Variants in FBH1 observed in about 807,000 individuals in gnomAD.
The protein encoded by FBH1 is DNA 3'-5' helicase 1.
FBH1 carries 43 observed loss-of-function variants against 115.5 expected under a neutral mutation model. The ratio of observed to expected loss-of-function variants is 0.37; its 90% CI spans 0.29 to 0.48. FBH1 has a LOEUF of 0.48. Among genes scored for constraint, FBH1 ranks in the 20% least tolerant of loss-of-function variants. The pLI is 0.99. For synonymous variants in FBH1, 524 were observed against 507.8 expected (o/e 1.03, Z -0.43); for missense variants, 1,001 against 1,337.3 (o/e 0.75, Z 3.92).
chr10:5,914,718 C>A lies in FBH1; in HGVS notation c.1396+449C>A, dbSNP rs767076373. Among the ~76,000 whole-genome samples the A allele has an allele frequency of 1.1e-4, 17 of 152,226 alleles. No individual in the cohort carries two copies. Among genetic ancestry groups the A allele is most frequent in the Non-Finnish European group, 2.4e-4 (16 of 68,046 alleles). The stretch of plus-strand genomic sequence containing the variant: ...ACAAGTGTCCTGCCTCAGTCAGCCA[C>A]GCCGATCCACTCACAGCCTCCTGAA... On this transcript the variant is annotated intron_variant, in intron 8 of 20. Transcript: ENST00000362091. This position sits in a 1 kb window ranked among gnomAD's most constrained non-coding sequence, Gnocchi z 5.2.
At chr10:5,894,198 G>A (rs1842886423) in intron 1 of FBH1, 4 of 985,390 alleles carry the variant, frequency 4.1e-6, no homozygotes, top group Middle Eastern at 5.2e-4. Flanking sequence ...CTTGCTTTCT[G>A]CATTCGTTTC....
chr10:5,911,312 A>G lies in FBH1; in HGVS notation c.1211+184A>G, dbSNP rs933650933. ...AGAGTTTGATGTGGAAAGGCTGGTA[A>G]GAGCGCCTTATGAACGTGCAGTTCT... On this transcript the variant is annotated intron_variant, in intron 6 of 20. Transcript: ENST00000362091. This position sits in a 1 kb window ranked among gnomAD's most constrained non-coding sequence, Gnocchi z 5.4. Among the ~76,000 whole-genome samples, 1 of 152,228 alleles carries G rather than the reference A, an allele frequency of 6.6e-6. No homozygotes were observed. The highest frequency in any genetic ancestry group is 2.4e-5 in the African/African-American group (1 of 41,464).
At chr10:5,930,778 C>G (rs1239256203) in intron 19 of FBH1, among the ~76,000 whole-genome samples, 1 of 152,244 alleles carries the variant, frequency 6.6e-6, no homozygotes, top group Non-Finnish European at 1.5e-5. Flanking sequence ...GAGACAGGCT[C>G]TCACTCTGTT....
Position 5,916,410 on chromosome 10 carries a change from A to C in FBH1, c.1742A>C (p.Lys581Thr). ...LTIDHVPIWCKNSQGQRVMVE... is the reference protein window; with the variant it reads ...LTIDHVPIWCTNSQGQRVMVE... Reference sequence around the variant, plus strand: ...ATTGATCACGTGCCTATTTGGTGTAAGAACAGCCAAGGACAGAGAGTCATG... The same window carrying C: ...ATTGATCACGTGCCTATTTGGTGTACGAACAGCCAAGGACAGAGAGTCATG... Residue 581 changes from lysine (K) to threonine (T), a missense_variant, in exon 10 of 21, where the codon AAG becomes ACG. Coordinates refer to ENST00000362091, the MANE Select transcript of FBH1 (RefSeq NM_178150.3). The C allele has an allele frequency of 6.2e-7, 1 of 1,614,190 alleles. No individual in the cohort carries two copies. Among genetic ancestry groups the C allele is most frequent in the Non-Finnish European group, 8.5e-7 (1 of 1,180,038 alleles).
rs1832064249 is a variant in FBH1, at chr10:5,917,813, A to T, written c.1963+137A>T. 2 of 759,134 alleles carry T rather than the reference A, an allele frequency of 2.6e-6. No homozygotes were observed. The highest frequency in any genetic ancestry group is 4.3e-6 in the Non-Finnish European group (2 of 464,872). The allele number at this position is 759,134 out of a possible 1,614,324, so 47.0% of individuals were successfully genotyped here. ...AGAGGATCTTCATACTTACCTTAGG[A>T]TTTCAAGCTGCCCCTTCCCCTCACC... On this transcript the variant is annotated intron_variant, in intron 12 of 20. Coordinates refer to ENST00000362091, the MANE Select transcript of FBH1 (RefSeq NM_178150.3). The surrounding 1 kb of genome is among the most constrained non-coding windows in gnomAD (Gnocchi z 5.6).
chr10:5,922,233 A>G (rs1471814696), intron 15 of FBH1, among the ~76,000 whole-genome samples: 2 of 152,282 alleles, frequency 1.3e-5, no homozygotes, highest in Non-Finnish European at 2.9e-5. Flanking sequence ...TATAAAGACT[A>G]TATAACAATG....
rs375870070 is a variant in FBH1, at chr10:5,924,066, C to T, written c.2399-245C>T. 1 of 582,980 alleles carries T rather than the reference C, an allele frequency of 1.7e-6. No homozygotes were observed. Among genetic ancestry groups the T allele is most frequent in the South Asian group, 2.1e-5 (1 of 47,160 alleles). 36.1% of individuals were successfully genotyped at this position (582,980 alleles called of 1,614,324 possible). A position where few individuals can be genotyped will look rare whatever the true frequency, so the allele number is the denominator to read the frequency against. ...CCTGTTGACTGCACTATTTCAAATC[C>T]CTGTGAAGTAGGTGAGGATCTTGAG... On this transcript the variant is annotated intron_variant, in intron 16 of 20. Transcript: ENST00000362091. The surrounding 1 kb of genome is among the most constrained non-coding windows in gnomAD (Gnocchi z 6.2).
intron 19 of FBH1, chr10:5,934,183 C>G (rs1336707102): frequency 6.6e-6 from 1 of 152,126 alleles, no homozygotes; most frequent in Non-Finnish European, 1.5e-5. Context: ...AACGATAAGC[C>G]CCTTTATCTC....
chr10:5,909,560 C>T lies in FBH1; in HGVS notation c.1020+266C>T. On this transcript the variant is annotated intron_variant, in intron 5 of 20. Transcript: ENST00000362091. The surrounding 1 kb of genome is among the most constrained non-coding windows in gnomAD (Gnocchi z 4.4). ...TTGAGGAATCTTCTCTGAAATATTT[C>T]TGAAAAGTGGTCATCTAGCCTCTGA... 1 of 432,660 alleles carries T rather than the reference C, an allele frequency of 2.3e-6. No individual in the cohort carries two copies. The allele number at this position is 432,660 out of a possible 1,614,324, so 26.8% of individuals were successfully genotyped here.
chr10:5,889,884 G>A (rs1031959319), upstream of FBH1: 6 of 161,724 alleles, frequency 3.7e-5, no homozygotes, highest in African/African-American at 9.5e-5. Context: ...CGCGTCCTCA[G>A]GGCCGCCCCA....
Position 5,897,833 on chromosome 10 carries a change from G to A in FBH1, c.2-5187G>A, listed in dbSNP as rs1207717744. Among the ~76,000 whole-genome samples, 1 of 152,176 alleles carries A rather than the reference G, an allele frequency of 6.6e-6. No individual in the cohort carries two copies. The highest frequency in any genetic ancestry group is 1.5e-5 in the Non-Finnish European group (1 of 68,022). On this transcript the variant is annotated intron_variant, in intron 1 of 20. Coordinates refer to ENST00000362091, the MANE Select transcript of FBH1 (RefSeq NM_178150.3). The surrounding 1 kb of genome is among the most constrained non-coding windows in gnomAD (Gnocchi z 4.7). ...ACTCCTGTGTCTTTGTTAGATTTCT[G>A]CAAACACTTAATCTTCGCAACAAGC...
At chr10:5,889,681 G>A (rs1367278417), upstream of FBH1, 1 of 174,866 alleles carries the variant, frequency 5.7e-6, no homozygotes, top group Non-Finnish European at 1.2e-5. Context: ...GGGGATCCGA[G>A]AGCGCTGGCG....
At chr10:5,912,531 A>T (rs1229423352) in intron 6 of FBH1, among the ~76,000 whole-genome samples, 1 of 152,044 alleles carries the variant, frequency 6.6e-6, no homozygotes. Flanking sequence ...TTCCCCAGGG[A>T]GACTGGCCCC....
At chr10:5,890,612 G>A (rs1842650875) in intron 1 of FBH1, among the ~76,000 whole-genome samples, 1 of 151,640 alleles carries the variant, frequency 6.6e-6, no homozygotes, top group Middle Eastern at 3.2e-3. Flanking sequence ...GCCCCCCGAG[G>A]CCAGGAAGGC....
intron 13 of FBH1, among the ~76,000 whole-genome samples, chr10:5,919,506 A>G (rs1054722901): frequency 6.6e-6 from 1 of 152,206 alleles, no homozygotes; most frequent in Non-Finnish European, 1.5e-5. Flanking sequence ...AGTTTTTAAT[A>G]GTTATTTTTA....
intron 2 of FBH1, chr10:5,905,256 CCTGTAATGCCAG>C (rs1282104722): frequency 6.6e-6 from 1 of 152,258 alleles, no homozygotes. Flanking sequence ...GGGGCTCACG[CCTGTAATGCCAG>C]CACTTTGCGG....
In FBH1 at chr10:5,931,771, A is replaced by G. The variant is rs1231621645; in HGVS notation, c.2829+4230A>G. 6.6e-6 allele frequency among the ~76,000 whole-genome samples: 1 copy of G among 152,220 alleles called. No individual in the cohort carries two copies. Among genetic ancestry groups the G allele is most frequent in the Non-Finnish European group, 1.5e-5 (1 of 68,048 alleles). ...GCAGTTAGACATGTAGTTTATTCAT[A>G]ATACCTACAGGGGTTGCTTTGCTTC... On this transcript the variant is annotated intron_variant, in intron 19 of 20. Transcript: ENST00000362091. This position sits in a 1 kb window ranked among gnomAD's most constrained non-coding sequence, Gnocchi z 4.3.
intron 13 of FBH1, among the ~76,000 whole-genome samples, chr10:5,919,711 G>C (rs192142426): frequency 6.6e-6 from 1 of 152,284 alleles, no homozygotes; most frequent in East Asian, 1.9e-4. Flanking sequence ...CAACTGTGCT[G>C]TGTTTTGTGA....
Position 5,906,656 on chromosome 10 carries a change from G to C in FBH1, c.753+24G>C, listed in dbSNP as rs1317708407. 3.8e-6 allele frequency: 6 copies of C among 1,560,482 alleles called. No individual in the cohort carries two copies. The highest frequency in any genetic ancestry group is 5.2e-6 in the Non-Finnish European group (6 of 1,148,586). Reference sequence around the variant, plus strand: ...TGGTGAGTGAGTGCTGGAGTCGGGAGATGTTTCCTCTAAAAGCACGTAACT... The same window carrying C: ...TGGTGAGTGAGTGCTGGAGTCGGGACATGTTTCCTCTAAAAGCACGTAACT... On this transcript the variant is annotated intron_variant, in intron 3 of 20. Transcript: ENST00000362091. The surrounding 1 kb of genome is among the most constrained non-coding windows in gnomAD (Gnocchi z 7.3).
Sources: allele counts gnomAD v4.1 joint callset (sites outside exome capture counted in the v4.1 genomes callset), GRCh38; gene constraint gnomAD v4.1.1; non-coding constraint Gnocchi (gnomAD v3.1); transcripts MANE v1.5; gene names NCBI Gene and HGNC (gene_info 2026-07-23, HGNC 2026-07-21).